Variants in CREM observed in about 807,000 individuals in gnomAD.
CREM encodes the protein cAMP responsive element modulator.
In CREM, 13 loss-of-function variants were observed where a neutral mutation model predicts 37.3. That is an observed-to-expected ratio of 0.35 (90% CI 0.23 to 0.55). The LOEUF is 0.55. Ranked by LOEUF, CREM falls within the 20% of genes least tolerant of loss-of-function variation. The pLI, the probability that CREM is intolerant of heterozygous loss-of-function variation, is 0.88. For missense variants in CREM, 296 were observed against 362.3 expected (o/e 0.82, Z 1.49); for synonymous variants, 124 against 120.2 (o/e 1.03, Z -0.21).
At chr10:35,201,390 T>C (rs2095379034) in intron 6 of CREM, 1 of 1,543,020 alleles carries the variant, frequency 6.5e-7, no homozygotes, top group Non-Finnish European at 8.8e-7. Context: ...CTAGACACTT[T>C]GACATACATT....
chr10:35,198,767 A>G (rs948002262), intron 6 of CREM, among the ~76,000 whole-genome samples: 2 of 152,364 alleles, frequency 1.3e-5, no homozygotes, highest in South Asian at 2.1e-4. Context: ...GTCTTAGTTA[A>G]TATTTGATGC....
At chr10:35,179,999 C>T (rs2094286486) in intron 5 of CREM, among the ~76,000 whole-genome samples, 1 of 152,124 alleles carries the variant, frequency 6.6e-6, no homozygotes. Flanking sequence ...ATCACATATC[C>T]TAAGCTAGCC....
At chr10:35,174,521 A>G (rs2093963447) in intron 3 of CREM, among the ~76,000 whole-genome samples, 1 of 152,224 alleles carries the variant, frequency 6.6e-6, no homozygotes, top group South Asian at 2.1e-4. Context: ...CCAGTTTTTA[A>G]TAATTCTTTT....
intron 1 of CREM, among the ~76,000 whole-genome samples, chr10:35,129,472 A>G (rs2088873696): frequency 6.6e-6 from 1 of 152,354 alleles, no homozygotes; most frequent in Middle Eastern, 3.4e-3. Context: ...TAACATATAT[A>G]AGGAATCCTG....
chr10:35,128,526 CTTTT>C (rs35809404), intron 1 of CREM, among the ~76,000 whole-genome samples: 5 of 128,972 alleles, frequency 3.9e-5, no homozygotes, highest in Admixed American at 1.6e-4. Flanking sequence ...TTTTCCTAGT[CTTTT>C]TTTTTTTTTT....
Position 35,154,743 on chromosome 10 carries a change from T to C in CREM, c.168+6252T>C, listed in dbSNP as rs2092795610. On this transcript the variant is annotated intron_variant, in intron 3 of 7. Transcript: ENST00000685392. ...TTTTTCAATAAATGCTAAATCTGTA[T>C]TATAAAATGTTCCTTAGTCATCCAA... Among the ~76,000 whole-genome samples, 3 of 152,284 alleles carry C rather than the reference T, an allele frequency of 2.0e-5. No individual in the cohort carries two copies. The South Asian group carries it at 6.2e-4, about 32-fold the overall frequency.
intron 5 of CREM, among the ~76,000 whole-genome samples, chr10:35,184,557 G>A (rs11592037): frequency 0.13 from 19,208 of 152,196 alleles, 1,458 homozygotes; most frequent in Middle Eastern, 0.18. Flanking sequence ...ATGAAAATGA[G>A]GCTGACGTGC....
At chr10:35,182,945 G>GA (rs1438697089) in intron 5 of CREM, among the ~76,000 whole-genome samples, 1 of 151,944 alleles carries the variant, frequency 6.6e-6, no homozygotes, top group Non-Finnish European at 1.5e-5. Context: ...CTTGCTGCAT[G>GA]AGACAGTTAA....
intron 6 of CREM, chr10:35,195,912 G>T: frequency 1.5e-6 from 1 of 683,026 alleles, no homozygotes; most frequent in Admixed American, 2.6e-5. Flanking sequence ...GTAAAATGCT[G>T]CTGACAGATT....
intron 3 of CREM, chr10:35,167,817 G>C: frequency 6.2e-7 from 1 of 1,606,400 alleles, no homozygotes; most frequent in Non-Finnish European, 8.5e-7. Flanking sequence ...AATGATGTCT[G>C]CTATAAGTAC....
At chr10:35,205,111 A>G (rs1192810908) in intron 6 of CREM, among the ~76,000 whole-genome samples, 6 of 152,250 alleles carry the variant, frequency 3.9e-5, no homozygotes, top group African/African-American at 1.2e-4. Context: ...ACTCTGGACC[A>G]TACGTTCTCA....
At chr10:35,152,966 A>G (rs1589523172) in intron 3 of CREM, among the ~76,000 whole-genome samples, 1 of 152,232 alleles carries the variant, frequency 6.6e-6, no homozygotes. Flanking sequence ...TAGACCAGGC[A>G]TGGTGGCTCA....
At chr10:35,152,578 T>C (rs1043706717) in intron 3 of CREM, among the ~76,000 whole-genome samples, 1 of 152,248 alleles carries the variant, frequency 6.6e-6, no homozygotes, top group African/African-American at 2.4e-5. Context: ...CTTGGCTTTC[T>C]TCTTGCCTAA....
intron 3 of CREM, among the ~76,000 whole-genome samples, chr10:35,164,210 T>C (rs945230832): frequency 6.6e-6 from 1 of 152,246 alleles, no homozygotes; most frequent in East Asian, 1.9e-4. Flanking sequence ...ATGAGATGAT[T>C]TGTGTGAAGC....
At chr10:35,133,262 C>A (rs1038489000) in intron 1 of CREM, among the ~76,000 whole-genome samples, 2 of 151,428 alleles carry the variant, frequency 1.3e-5, no homozygotes, top group Non-Finnish European at 2.9e-5. Context: ...TAATATTTCC[C>A]GTAAGTCATA....
rs1046915343 is a variant in CREM, at chr10:35,212,383, T to C, written c.*985T>C. On this transcript the variant is annotated 3_prime_UTR_variant, in exon 8 of 8. Transcript: ENST00000685392. ...TAATAGAACCATGTTGGTTGCACTT[T>C]GTAGTGTTTGGTGCTCATTTAAATA... 1 of 152,564 alleles carries C rather than the reference T, an allele frequency of 6.6e-6. No homozygotes were observed. Among genetic ancestry groups the C allele is most frequent in the African/African-American group, 2.4e-5 (1 of 41,476 alleles). The allele number at this position is 152,564 out of a possible 1,614,324, so 9.5% of individuals were successfully genotyped here.
chr10:35,145,066 C>T (rs4934733), intron 2 of CREM, among the ~76,000 whole-genome samples: 21,410 of 147,810 alleles, frequency 0.14, 1,834 homozygotes, highest in East Asian at 0.24. Context: ...GAGGCTGAGG[C>T]GGGAGAATCG....
intron 3 of CREM, 55 bp downstream of exon 3, chr10:35,148,546 G>T: frequency 6.4e-7 from 1 of 1,552,504 alleles, no homozygotes. Context: ...TGAGAATTAG[G>T]TGCAGATTCT....
intron 3 of CREM, among the ~76,000 whole-genome samples, chr10:35,151,850 A>C (rs2092620598): frequency 6.6e-6 from 1 of 152,228 alleles, no homozygotes; most frequent in Non-Finnish European, 1.5e-5. Flanking sequence ...AATTCTTAGC[A>C]GTCAGAATTT....
Sources: gnomAD v4.1 joint callset for allele counts (sites outside exome capture counted in the v4.1 genomes callset) on GRCh38, gnomAD v4.1.1 for gene constraint, MANE v1.5 for transcripts, NCBI Gene and HGNC (gene_info 2026-07-23, HGNC 2026-07-21) for gene names.